TTC28: variants seen among roughly 807,000 people sequenced by gnomAD.
TTC28 encodes tetratricopeptide repeat protein 28.
A neutral mutation model predicts 198.0 loss-of-function variants in TTC28; 61 were observed. The ratio of observed to expected loss-of-function variants is 0.31; its 90% confidence interval spans 0.25 to 0.38. The LOEUF (loss-of-function observed/expected upper bound fraction) is 0.38. TTC28 is among the 10% of genes least tolerant of loss of function. TTC28 has a pLI of 1.00. For missense variants in TTC28, 2,678 were observed against 3,164.0 expected, an observed-to-expected ratio of 0.85 and a Z score of 3.69; for synonymous variants, 1,171 against 1,297.8, an observed-to-expected ratio of 0.90 and a Z score of 2.10.
intron 2 of TTC28, among the ~76,000 whole-genome samples, chr22:28,327,651 T>C (rs962181099): frequency 1.3e-5 from 2 of 152,146 alleles, no homozygotes; most frequent in African/African-American, 4.8e-5. Context: ...CTACCGTAAA[T>C]AATAAGAATT....
chr22:28,518,118 T>G (rs1045637218), intron 2 of TTC28, among the ~76,000 whole-genome samples: 1 of 152,154 alleles, frequency 6.6e-6, no homozygotes, highest in Non-Finnish European at 1.5e-5. Context: ...CTATAAATAC[T>G]AGATATATCA....
At chr22:28,144,705 A>C (rs1381414557) in intron 6 of TTC28, among the ~76,000 whole-genome samples, 1 of 152,260 alleles carries the variant, frequency 6.6e-6, no homozygotes, top group Non-Finnish European at 1.5e-5. Flanking sequence ...AAGATTAACA[A>C]GCTGAGAGCT....
intron 2 of TTC28, among the ~76,000 whole-genome samples, chr22:28,452,144 C>G (rs1483162506): frequency 6.6e-6 from 1 of 152,020 alleles, no homozygotes; most frequent in Admixed American, 6.6e-5. Context: ...AATCCCAGCA[C>G]TTTGGGAGGC....
intron 2 of TTC28, among the ~76,000 whole-genome samples, chr22:28,548,100 A>T (rs1294696686): frequency 6.6e-6 from 1 of 152,160 alleles, no homozygotes; most frequent in African/African-American, 2.4e-5. Flanking sequence ...CTATCAAGTG[A>T]CATTTAATTT....
At chr22:28,349,029 C>T (rs899109355) in intron 2 of TTC28, among the ~76,000 whole-genome samples, 3 of 152,182 alleles carry the variant, frequency 2.0e-5, no homozygotes, top group Non-Finnish European at 4.4e-5. Context: ...TAATCTGCTG[C>T]TCTGTGTCAC....
At chr22:28,115,780 C>A (rs1942612595) in intron 6 of TTC28, among the ~76,000 whole-genome samples, 1 of 152,228 alleles carries the variant, frequency 6.6e-6, no homozygotes, top group African/African-American at 2.4e-5. Context: ...TCTTTTGCTT[C>A]AACAGCAGTT....
At chr22:28,676,713 TTA>T (rs1192975374) in intron 1 of TTC28, among the ~76,000 whole-genome samples, 1 of 150,300 alleles carries the variant, frequency 6.7e-6, no homozygotes, top group Non-Finnish European at 1.5e-5. Flanking sequence ...CTCTATTTTT[TTA>T]TTAGAAATAA....
intron 2 of TTC28, among the ~76,000 whole-genome samples, chr22:28,567,475 C>CATATATATATATATAT (rs1217643047): frequency 4.6e-3 from 63 of 13,756 alleles, no homozygotes; most frequent in Admixed American, 6.5e-3. Flanking sequence ...CATATACATA[C>CATATATATATATATAT]ATACATATAT....
chr22:28,467,217 T>C (rs893383203), intron 2 of TTC28, among the ~76,000 whole-genome samples: 1 of 152,178 alleles, frequency 6.6e-6, no homozygotes, highest in Non-Finnish European at 1.5e-5. Context: ...GCCCAGGAAT[T>C]TGAGCCCAGC....
intron 10 of TTC28, among the ~76,000 whole-genome samples, chr22:28,097,610 G>GAACAC (rs1942015840): frequency 6.6e-6 from 1 of 152,166 alleles, no homozygotes; most frequent in African/African-American, 2.4e-5. Context: ...AGTGCTGAAG[G>GAACAC]AACACAATGC....
chr22:28,358,369 G>C (rs1285476389), intron 2 of TTC28, among the ~76,000 whole-genome samples: 1 of 152,114 alleles, frequency 6.6e-6, no homozygotes, highest in Non-Finnish European at 1.5e-5. Flanking sequence ...TCTATTACTA[G>C]CTCTTTTTAT....
intron 1 of TTC28, among the ~76,000 whole-genome samples, chr22:28,632,019 C>A (rs1352911820): frequency 6.6e-6 from 1 of 151,978 alleles, no homozygotes; most frequent in Non-Finnish European, 1.5e-5. Context: ...GAAGAGGATG[C>A]ATCTGATTTG....
At chr22:28,256,190 G>A (rs953852638) in intron 5 of TTC28, among the ~76,000 whole-genome samples, 1 of 151,784 alleles carries the variant, frequency 6.6e-6, no homozygotes, top group Non-Finnish European at 1.5e-5. Flanking sequence ...GGGAGGCTGA[G>A]GCAGGCAGAT....
rs546665337 is a variant in TTC28 at position 28,408,598 on chromosome 22, T to C, written c.382-101955A>G. ...TAGAGACAGGGTTTCAACATGTTTG[T>C]CAGGCTGGTCTTGAACTCCTGACCT... On this transcript the variant is annotated intron_variant, in intron 2 of 22. Coordinates refer to ENST00000397906, the MANE Select transcript of TTC28 (RefSeq NM_001145418.2). Among the ~76,000 whole-genome samples the C allele has an allele frequency of 2.6e-5, 4 of 152,252 alleles. No individual in the cohort carries two copies. In the East Asian group the frequency reaches 5.8e-4, roughly 22 times the overall value.
chr22:28,502,676 G>C (rs1194892981), intron 2 of TTC28, among the ~76,000 whole-genome samples: 1 of 151,794 alleles, frequency 6.6e-6, no homozygotes, highest in Admixed American at 6.6e-5. Context: ...AGAAAACGTA[G>C]AGGCAGCATC....
intron 14 of TTC28, among the ~76,000 whole-genome samples, chr22:28,013,452 G>A (rs963355905): frequency 7.9e-5 from 12 of 152,230 alleles, no homozygotes; most frequent in Admixed American, 6.5e-5. Context: ...GCAAAGACCA[G>A]GGCAGGTGAA....
Position 27,980,680 on chromosome 22 carries a change from TGAG to T in TTC28, c.*1538_*1540del, listed in dbSNP as rs1936979328. 6.6e-6 allele frequency: 1 copy of T among 151,852 alleles called. No homozygotes were observed. Among genetic ancestry groups the T allele is most frequent in the Admixed American group, 6.6e-5 (1 of 15,256 alleles). 9.4% of individuals were successfully genotyped at this position (151,852 alleles called of 1,614,324 possible). A position where few individuals can be genotyped will look rare whatever the true frequency, so the allele number is the denominator to read the frequency against. ...CCCACCTTCATGAGGAACCCTGTAG[TGAG>T]GTGGGTAGGATTTTAATTTTAGAAT... On this transcript the variant is annotated 3_prime_UTR_variant, in exon 23 of 23. Coordinates refer to ENST00000397906, the MANE Select transcript of TTC28 (RefSeq NM_001145418.2).
chr22:28,525,746 T>C (rs1568998946), intron 2 of TTC28, among the ~76,000 whole-genome samples: 1 of 152,150 alleles, frequency 6.6e-6, no homozygotes, highest in Non-Finnish European at 1.5e-5. Context: ...TTAAACCCTA[T>C]GGGAACATGA....
At chr22:28,289,452 T>G (rs895616592) in intron 5 of TTC28, among the ~76,000 whole-genome samples, 2 of 152,108 alleles carry the variant, frequency 1.3e-5, no homozygotes, top group Non-Finnish European at 2.9e-5. Context: ...TTTGAAGCCA[T>G]TAAAGTAGAC....
Sources: allele counts gnomAD v4.1 joint callset (sites outside exome capture counted in the v4.1 genomes callset), GRCh38; gene constraint gnomAD v4.1.1; transcripts MANE v1.5; gene names NCBI Gene and HGNC (gene_info 2026-07-23, HGNC 2026-07-21).